Variants in KIAA1328 observed in about 807,000 individuals in gnomAD.
The protein encoded by KIAA1328 is KIAA1328, also known as protein hinderin.
In KIAA1328, 52 loss-of-function variants were observed where a neutral mutation model predicts 68.1. The observed-to-expected ratio is 0.76, with a 90% CI of 0.61 to 0.96. The LOEUF (loss-of-function observed/expected upper bound fraction) is 0.96. Ranked by LOEUF, KIAA1328 falls within the 40% of genes least tolerant of loss-of-function variation. The probability of loss-of-function intolerance (pLI) is 0.00; values close to 1 mark genes in which losing one functional copy is unlikely to be tolerated. For missense variants in KIAA1328, 641 were observed against 677.6 expected (o/e 0.95, Z 0.60); for synonymous variants, 232 against 239.4 (o/e 0.97, Z 0.28).
chr18:37,097,608 A>G (rs1312573158), intron 7 of KIAA1328, among the ~76,000 whole-genome samples: 1 of 152,198 alleles, frequency 6.6e-6, no homozygotes, highest in East Asian at 1.9e-4. Context: ...CAATTCTGTG[A>G]AGACAGTCAT....
At chr18:36,988,976 A>C (rs536354706) in intron 6 of KIAA1328, among the ~76,000 whole-genome samples, 43 of 152,298 alleles carry the variant, frequency 2.8e-4, no homozygotes, top group African/African-American at 9.9e-4. Flanking sequence ...CCTAGCATGC[A>C]GTAAATGCTT....
chr18:36,958,507 T>C (rs2051516822), intron 5 of KIAA1328, among the ~76,000 whole-genome samples: 1 of 152,182 alleles, frequency 6.6e-6, no homozygotes, highest in South Asian at 2.1e-4. Context: ...TTGTCAGTGC[T>C]TGTTTGTCTT....
chr18:36,962,676 G>A (rs562980891), intron 6 of KIAA1328, among the ~76,000 whole-genome samples: 86 of 152,114 alleles, frequency 5.7e-4, no homozygotes, highest in Non-Finnish European at 1.0e-3. Context: ...CACTCAAAAC[G>A]GCACAACTAC....
chr18:37,139,460 A>G (rs1178507694), intron 7 of KIAA1328, among the ~76,000 whole-genome samples: 1 of 152,206 alleles, frequency 6.6e-6, no homozygotes, highest in Non-Finnish European at 1.5e-5. Flanking sequence ...AAAGTAGTAC[A>G]ACCTAAGAAA....
At chr18:37,220,918 C>G (rs1320262525) in intron 9 of KIAA1328, among the ~76,000 whole-genome samples, 18 of 152,208 alleles carry the variant, frequency 1.2e-4, no homozygotes. Context: ...CCTCCACTTT[C>G]CAGGTTCAAG....
chr18:37,116,159 A>G (rs1038724230), intron 7 of KIAA1328, among the ~76,000 whole-genome samples: 14 of 151,664 alleles, frequency 9.2e-5, no homozygotes, highest in African/African-American at 2.9e-4. Context: ...GGAAAAAACT[A>G]CTTTAAAGTT....
chr18:36,990,747 G>C (rs1330968109), intron 6 of KIAA1328, among the ~76,000 whole-genome samples: 2 of 151,558 alleles, frequency 1.3e-5, no homozygotes, highest in Non-Finnish European at 2.9e-5. Flanking sequence ...GAACATCCTT[G>C]TACATGTAAC....
chr18:37,216,979 G>GTT lies in KIAA1328; in HGVS notation c.1524-5029_1524-5028dup, dbSNP rs1480974787. ...GGATTGCAACCCCTGCTTTTTTTTT[G>GTT]TTTTTTTTTTGTTTGTTTTTTTTTT... is the stretch of plus-strand genomic sequence containing the variant. On this transcript the variant is annotated intron_variant, in intron 9 of 9. Transcript: ENST00000280020. Among the ~76,000 whole-genome samples the GTT allele has an allele frequency of 5.4e-3, 386 of 71,022 alleles. 3 individuals are homozygous for GTT. The highest frequency in any genetic ancestry group is 0.018 in the African/African-American group (328 of 17,894). 46.6% of individuals were successfully genotyped at this position (71,022 alleles called of 152,430 possible).
chr18:36,885,623 G>C lies in KIAA1328; in HGVS notation c.399G>C (p.Lys133Asn). Residue 133 changes from lysine to asparagine, a missense_variant, in exon 5 of 10, where the codon AAG becomes AAC. Physicochemically the swap from Lys to Asn is moderately conservative, Grantham distance 94 (BLOSUM62 0). Transcript: ENST00000280020. ...LKAEQESFEK[K>N]IRQLEEQNEL... ...CTGAGCAGGAGTCATTTGAGAAGAAGATCAGGCAGTTGGAAGAACAGAATG... is the reference window on the plus strand; with the variant it reads ...CTGAGCAGGAGTCATTTGAGAAGAACATCAGGCAGTTGGAAGAACAGAATG... The C allele has an allele frequency of 6.2e-7, 1 of 1,602,148 alleles. No homozygotes were observed.
At chr18:36,927,484 C>T (rs1389585112) in intron 5 of KIAA1328, among the ~76,000 whole-genome samples, 5 of 152,192 alleles carry the variant, frequency 3.3e-5, no homozygotes, top group South Asian at 2.1e-4. Flanking sequence ...CACTGGCTCA[C>T]GCCTGTCATT....
At chr18:37,078,250 T>A (rs1410855007) in intron 7 of KIAA1328, among the ~76,000 whole-genome samples, 8 of 152,182 alleles carry the variant, frequency 5.3e-5, no homozygotes, top group African/African-American at 1.7e-4. Flanking sequence ...ATTTAATAAA[T>A]GGTGCTGGGA....
At chr18:37,023,071 C>T (rs1026461854) in intron 6 of KIAA1328, among the ~76,000 whole-genome samples, 2 of 152,138 alleles carry the variant, frequency 1.3e-5, no homozygotes. Context: ...CACTCTGTGG[C>T]CCAGGCTAGA....
intron 7 of KIAA1328, among the ~76,000 whole-genome samples, chr18:37,105,240 C>T (rs1568411974): frequency 2.0e-5 from 3 of 152,128 alleles, no homozygotes; most frequent in Middle Eastern, 3.4e-3. Flanking sequence ...TGGTTGCTGA[C>T]GCCTGTTATC....
intron 6 of KIAA1328, among the ~76,000 whole-genome samples, chr18:36,981,218 T>C (rs1266598643): frequency 6.6e-6 from 1 of 152,082 alleles, no homozygotes; most frequent in African/African-American, 2.4e-5. Flanking sequence ...AATAAATAGC[T>C]CTAGGCTGAG....
chr18:37,025,649 G>A (rs2054541176), intron 6 of KIAA1328, among the ~76,000 whole-genome samples: 1 of 152,182 alleles, frequency 6.6e-6, no homozygotes, highest in African/African-American at 2.4e-5. Flanking sequence ...AATGAAGGCA[G>A]AAATAAAGTT....
intron 5 of KIAA1328, among the ~76,000 whole-genome samples, chr18:36,889,603 T>G (rs922703208): frequency 6.6e-6 from 1 of 152,226 alleles, no homozygotes; most frequent in African/African-American, 2.4e-5. Flanking sequence ...GGAAAGTTAC[T>G]GAACTTCTCT....
chr18:36,833,077 C>T (rs1329607596), intron 1 of KIAA1328: 2 of 151,882 alleles, frequency 1.3e-5, no homozygotes, highest in South Asian at 2.1e-4. Flanking sequence ...TTTCTGACCT[C>T]GTGATATGCC....
At chr18:37,018,071 T>C (rs557189246) in intron 6 of KIAA1328, among the ~76,000 whole-genome samples, 2 of 152,288 alleles carry the variant, frequency 1.3e-5, no homozygotes, top group East Asian at 3.9e-4. Flanking sequence ...GTTATGTACT[T>C]AGGTGTGTTT....
chr18:36,933,988 G>A (rs949550991), intron 5 of KIAA1328, among the ~76,000 whole-genome samples: 11 of 152,146 alleles, frequency 7.2e-5, no homozygotes, highest in Non-Finnish European at 1.5e-4. Context: ...AAAAGTCCCC[G>A]CATTTTGCAC....
Sources: gnomAD v4.1 joint callset for allele counts (sites outside exome capture counted in the v4.1 genomes callset) on GRCh38, gnomAD v4.1.1 for gene constraint, MANE v1.5 for transcripts, NCBI Gene and HGNC (gene_info 2026-07-23, HGNC 2026-07-21) for gene names.